The following MED27 variants were observed in gnomAD, a reference collection of about 807,000 sequenced individuals.
The protein encoded by MED27 is mediator complex subunit 27.
Under a neutral mutation model 38.2 loss-of-function variants are expected in MED27, and 30 were observed. That is an observed-to-expected ratio of 0.79 (90% CI 0.59 to 1.07). The LOEUF (loss-of-function observed/expected upper bound fraction) is 1.07, where lower values mean the gene tolerates loss of function less well. Among genes scored for constraint, MED27 ranks in the 50% least tolerant of loss-of-function variants. The pLI is 0.00. For missense variants in MED27, 289 were observed against 397.5 expected, an observed-to-expected ratio of 0.73 and a Z score of 2.32; for synonymous variants, 122 against 153.5, an observed-to-expected ratio of 0.79 and a Z score of 1.52.
intron 5 of MED27, among the ~76,000 whole-genome samples, chr9:131,890,494 G>A (rs1346293384): frequency 6.6e-6 from 1 of 152,196 alleles, no homozygotes; most frequent in African/African-American, 2.4e-5. Flanking sequence ...TTACTCGTGT[G>A]TCTCCTTTAT....
intron 3 of MED27, among the ~76,000 whole-genome samples, chr9:131,995,809 T>C (rs906186488): frequency 6.6e-6 from 1 of 152,190 alleles, no homozygotes; most frequent in African/African-American, 2.4e-5. Context: ...TCAGCAAAGA[T>C]GGGGTATGGG....
intron 1 of MED27, 147 bp from the exon 2 acceptor site, chr9:132,077,733 G>C (rs1589308461): frequency 2.7e-5 from 20 of 750,610 alleles, no homozygotes; most frequent in Non-Finnish European, 3.5e-5. Context: ...AAAAATACTT[G>C]GGACACTTAA....
At chr9:131,905,932 T>C (rs891623221) in intron 4 of MED27, among the ~76,000 whole-genome samples, 15 of 151,568 alleles carry the variant, frequency 9.9e-5, no homozygotes, top group African/African-American at 3.6e-4. Context: ...GAGTGAGAAA[T>C]GAAATAGACA....
chr9:131,924,248 T>C (rs1830444598), intron 4 of MED27, among the ~76,000 whole-genome samples: 1 of 152,234 alleles, frequency 6.6e-6, no homozygotes, highest in South Asian at 2.1e-4. Context: ...CCTGTTGTTA[T>C]GTTTTTTTAA....
chr9:131,899,707 T>C (rs1474106288), intron 4 of MED27, among the ~76,000 whole-genome samples: 1 of 152,210 alleles, frequency 6.6e-6, no homozygotes, highest in Non-Finnish European at 1.5e-5. Flanking sequence ...GGCTCTGCCA[T>C]CGAGATGGAG....
chr9:131,994,355 A>G, intron 3 of MED27, among the ~76,000 whole-genome samples: 1 of 152,168 alleles, frequency 6.6e-6, no homozygotes, highest in East Asian at 1.9e-4. Flanking sequence ...TCTCTGATAC[A>G]CCCTGCTTCT....
intron 4 of MED27, among the ~76,000 whole-genome samples, chr9:131,894,484 T>C (rs868186090): frequency 2.6e-5 from 4 of 152,078 alleles, no homozygotes; most frequent in Non-Finnish European, 5.9e-5. Flanking sequence ...TAGTAACTGG[T>C]AAAAGTGGAA....
At chr9:132,000,476 C>T (rs540007681) in intron 3 of MED27, among the ~76,000 whole-genome samples, 10 of 152,232 alleles carry the variant, frequency 6.6e-5, no homozygotes, top group Admixed American at 5.9e-4. Flanking sequence ...ACACACCTAC[C>T]ATATGACCTA....
At chr9:131,926,645 C>G (rs1045683051) in intron 4 of MED27, among the ~76,000 whole-genome samples, 3 of 152,340 alleles carry the variant, frequency 2.0e-5, no homozygotes, top group Non-Finnish European at 4.4e-5. Context: ...GTGGAGAAAT[C>G]AAGGCCCCAA....
chr9:132,037,176 C>T (rs570519530), intron 2 of MED27, among the ~76,000 whole-genome samples: 9 of 152,310 alleles, frequency 5.9e-5, no homozygotes, highest in African/African-American at 1.2e-4. Flanking sequence ...CACACAATCA[C>T]GCTCACAGAC....
chr9:132,040,087 A>G (rs1833174035), intron 2 of MED27, among the ~76,000 whole-genome samples: 1 of 152,216 alleles, frequency 6.6e-6, no homozygotes, highest in African/African-American at 2.4e-5. Context: ...CCACTACACC[A>G]ATATCAGCTC....
intron 3 of MED27, among the ~76,000 whole-genome samples, chr9:131,966,441 A>G (rs1356392234): frequency 1.3e-5 from 2 of 150,638 alleles, no homozygotes; most frequent in African/African-American, 4.9e-5. Flanking sequence ...TATTTCCACT[A>G]ATGGTCCCTA....
chr9:131,999,955 G>A (rs1463557212), intron 3 of MED27, among the ~76,000 whole-genome samples: 1 of 151,886 alleles, frequency 6.6e-6, no homozygotes, highest in Admixed American at 6.6e-5. Context: ...GCAGACAGTG[G>A]GTGTCCAAAG....
chr9:131,983,681 G>C (rs1244929471), intron 3 of MED27, among the ~76,000 whole-genome samples: 1 of 152,042 alleles, frequency 6.6e-6, no homozygotes, highest in Non-Finnish European at 1.5e-5. Context: ...TGCAGAGGTA[G>C]GTGTTTTCAC....
chr9:132,022,770 A>C lies in MED27; in HGVS notation c.349-8303T>G, dbSNP rs181839242. ...CTCAGGAAACTTATAATCATGGCAG[A>C]AGGCATAAGGGAAGCAAGGACCTTC... On this transcript the variant is annotated intron_variant, in intron 2 of 7. Coordinates refer to ENST00000292035, the MANE Select transcript of MED27 (RefSeq NM_004269.4). Among the ~76,000 whole-genome samples, 9 of 152,320 alleles carry C rather than the reference A, an allele frequency of 5.9e-5. No individual in the cohort carries two copies. The East Asian group carries it at 1.7e-3, about 29-fold the overall frequency.
chr9:132,026,092 A>G (rs1166290207), intron 2 of MED27, among the ~76,000 whole-genome samples: 1 of 152,232 alleles, frequency 6.6e-6, no homozygotes, highest in Non-Finnish European at 1.5e-5. Flanking sequence ...GATGCTCAGC[A>G]GCCTTACTCA....
intron 3 of MED27, among the ~76,000 whole-genome samples, chr9:131,964,369 TA>T (rs1183399781): frequency 0.011 from 1,027 of 94,160 alleles, no homozygotes; most frequent in East Asian, 0.015. Context: ...GAGGTGATGG[TA>T]GTAGTGATGG....
At chr9:131,936,073 C>T (rs1439341666) in intron 4 of MED27, among the ~76,000 whole-genome samples, 2 of 146,434 alleles carry the variant, frequency 1.4e-5, no homozygotes, top group African/African-American at 5.1e-5. Context: ...GCTGAGGCTG[C>T]AATGAGCTGT....
At chr9:131,996,852 T>G (rs752975805) in intron 3 of MED27, among the ~76,000 whole-genome samples, 28 of 152,238 alleles carry the variant, frequency 1.8e-4, no homozygotes, top group Non-Finnish European at 3.2e-4. Context: ...TTTTTTCACT[T>G]CCTTATGATT....
Sources: gnomAD v4.1 joint callset for allele counts (sites outside exome capture counted in the v4.1 genomes callset) on GRCh38, gnomAD v4.1.1 for gene constraint, MANE v1.5 for transcripts, NCBI Gene and HGNC (gene_info 2026-07-23, HGNC 2026-07-21) for gene names.